The following ITFG1 variants were observed in gnomAD, a reference collection of about 807,000 sequenced individuals.
ITFG1 encodes T-cell immunomodulatory protein.
In ITFG1, 34 loss-of-function variants were observed where a neutral mutation model predicts 81.8. The observed-to-expected ratio is 0.42, with a 90% CI of 0.32 to 0.55. ITFG1 has a LOEUF of 0.55. Among genes scored for constraint, ITFG1 ranks in the 20% least tolerant of loss-of-function variants. The pLI, the probability that ITFG1 is intolerant of heterozygous loss-of-function variation, is 0.17. For missense variants in ITFG1, 672 were observed against 755.4 expected (o/e 0.89, Z 1.29); for synonymous variants, 285 against 270.6 (o/e 1.05, Z -0.52).
intron 14 of ITFG1, among the ~76,000 whole-genome samples, chr16:47,211,718 G>T (rs1364560726): frequency 6.6e-6 from 1 of 152,070 alleles, no homozygotes; most frequent in Non-Finnish European, 1.5e-5. Context: ...TTTTTATCAT[G>T]AATAGTTTAA....
At chr16:47,407,629 G>T (rs1401473293) in intron 6 of ITFG1, among the ~76,000 whole-genome samples, 1 of 152,184 alleles carries the variant, frequency 6.6e-6, no homozygotes, top group Non-Finnish European at 1.5e-5. Flanking sequence ...TTACAGAAGT[G>T]AGCCACTGCG....
intron 10 of ITFG1, among the ~76,000 whole-genome samples, chr16:47,306,817 G>A (rs960916992): frequency 3.3e-5 from 5 of 151,548 alleles, no homozygotes; most frequent in Admixed American, 6.6e-5. Context: ...GAAAGAGGCC[G>A]GGCGCGGTGG....
intron 10 of ITFG1, among the ~76,000 whole-genome samples, chr16:47,287,736 G>C (rs1316178173): frequency 6.6e-6 from 1 of 152,114 alleles, no homozygotes; most frequent in African/African-American, 2.4e-5. Flanking sequence ...CCTAGTGAGT[G>C]TGAAGTGGTA....
chr16:47,155,459 AGTAC>A lies in ITFG1; in HGVS notation c.*256_*259del. The A allele has an allele frequency of 3.8e-6, 1 of 264,114 alleles. No individual in the cohort carries two copies. The highest frequency in any genetic ancestry group is 7.0e-6 in the Non-Finnish European group (1 of 141,932). The allele number at this position is 264,114 out of a possible 1,614,324, so 16.4% of individuals were successfully genotyped here. A position where few individuals can be genotyped will look rare whatever the true frequency, so the allele number is the denominator to read the frequency against. On this transcript the variant is annotated 3_prime_UTR_variant, in exon 18 of 18. Transcript: ENST00000320640. ...AAGATTATAAATACACAAACACTGG[AGTAC>A]ATGCAACACATTCCACAAAGGAACA...
At chr16:47,400,729 GA>G (rs1968650850) in intron 6 of ITFG1, among the ~76,000 whole-genome samples, 1 of 151,978 alleles carries the variant, frequency 6.6e-6, no homozygotes, top group African/African-American at 2.4e-5. Context: ...AGAGGTAGGG[GA>G]AGCAAAGAGG....
intron 6 of ITFG1, among the ~76,000 whole-genome samples, chr16:47,416,162 A>G (rs1262537053): frequency 6.6e-6 from 1 of 151,902 alleles, no homozygotes; most frequent in Non-Finnish European, 1.5e-5. Flanking sequence ...ATATGCAGAA[A>G]CTCTTCATGA....
intron 14 of ITFG1, among the ~76,000 whole-genome samples, chr16:47,186,154 G>A (rs1294070030): frequency 6.6e-6 from 1 of 152,116 alleles, no homozygotes; most frequent in South Asian, 2.1e-4. Context: ...GGACCAGATG[G>A]ATTCACAGCC....
intron 10 of ITFG1, among the ~76,000 whole-genome samples, chr16:47,263,703 G>C (rs2151543388): frequency 6.6e-6 from 1 of 151,986 alleles, no homozygotes; most frequent in Non-Finnish European, 1.5e-5. Flanking sequence ...TGGATGTTAA[G>C]GTACTCTACT....
chr16:47,379,210 G>A (rs1285133912), intron 6 of ITFG1, among the ~76,000 whole-genome samples: 3 of 152,144 alleles, frequency 2.0e-5, no homozygotes, highest in African/African-American at 4.8e-5. Flanking sequence ...CTCCCCAGGG[G>A]TCCCCTTGAG....
At chr16:47,314,054 A>G (rs1042547790) in intron 8 of ITFG1, among the ~76,000 whole-genome samples, 1 of 152,140 alleles carries the variant, frequency 6.6e-6, no homozygotes, top group African/African-American at 2.4e-5. Flanking sequence ...GTGGTTAAGC[A>G]TTTCTATAGG....
chr16:47,205,436 A>G (rs571766979), intron 14 of ITFG1, among the ~76,000 whole-genome samples: 2 of 152,312 alleles, frequency 1.3e-5, no homozygotes, highest in Admixed American at 1.3e-4. Context: ...TTCTTAGTGC[A>G]CTCAATGCAA....
chr16:47,383,023 A>G (rs539894503), intron 6 of ITFG1, among the ~76,000 whole-genome samples: 1 of 152,376 alleles, frequency 6.6e-6, no homozygotes, highest in East Asian at 1.9e-4. Context: ...GTGAAGTCAC[A>G]TATTTCCTCT....
chr16:47,400,638 G>T (rs1250621333), intron 6 of ITFG1, among the ~76,000 whole-genome samples: 1 of 152,062 alleles, frequency 6.6e-6, no homozygotes, highest in Non-Finnish European at 1.5e-5. Flanking sequence ...TATTCTGGGG[G>T]CTTCCCAGAA....
Position 47,311,484 on chromosome 16 carries a change from G to A in ITFG1, c.898-72C>T, listed in dbSNP as rs968753473. The A allele has an allele frequency of 4.0e-5, 47 of 1,161,808 alleles. No homozygotes were observed. The South Asian group carries it at 5.4e-4, about 13-fold the overall frequency. The allele number at this position is 1,161,808 out of a possible 1,614,324, so 72.0% of individuals were successfully genotyped here. On this transcript the variant is annotated intron_variant, in intron 9 of 17. Transcript: ENST00000320640. ...AAAATTTATAATTTGCAAAACAAAC[G>A]ATCCATTAAGTTTTCAAGATAAGCA...
At chr16:47,267,924 A>G (rs1966295832) in intron 10 of ITFG1, among the ~76,000 whole-genome samples, 1 of 152,110 alleles carries the variant, frequency 6.6e-6, no homozygotes, top group South Asian at 2.1e-4. Context: ...TTAAACACCT[A>G]TAGTAGAAAA....
intron 10 of ITFG1, among the ~76,000 whole-genome samples, chr16:47,291,208 A>AT (rs769236305): frequency 6.6e-6 from 1 of 151,682 alleles, no homozygotes; most frequent in Non-Finnish European, 1.5e-5. Flanking sequence ...TAAAACAATT[A>AT]TTTTTTCTTT....
intron 13 of ITFG1, among the ~76,000 whole-genome samples, chr16:47,226,135 T>C (rs1965754314): frequency 6.6e-6 from 1 of 152,224 alleles, no homozygotes; most frequent in African/African-American, 2.4e-5. Flanking sequence ...AAAATTAAGC[T>C]GGATTAATAT....
chr16:47,168,845 A>G (rs572669529), intron 14 of ITFG1, among the ~76,000 whole-genome samples: 23 of 152,248 alleles, frequency 1.5e-4, no homozygotes, highest in African/African-American at 5.1e-4. Context: ...GAATTTTGCA[A>G]TCTTACCCCT....
chr16:47,182,927 G>T lies in ITFG1; in HGVS notation c.1454-20263C>A, dbSNP rs571066434. On this transcript the variant is annotated intron_variant, in intron 14 of 17. Coordinates refer to ENST00000320640, the MANE Select transcript of ITFG1 (RefSeq NM_030790.5). Reference sequence around the variant, plus strand: ...GTGGGTGCGCACACCGTGCGCGAGCGGAAGCAGGGCGAGCCATTGCCTCAC... The same window carrying T: ...GTGGGTGCGCACACCGTGCGCGAGCTGAAGCAGGGCGAGCCATTGCCTCAC... 3.3e-5 allele frequency among the ~76,000 whole-genome samples: 5 copies of T among 152,298 alleles called. No individual in the cohort carries two copies. The East Asian group carries it at 9.7e-4, about 29-fold the overall frequency.
Sources: allele counts gnomAD v4.1 joint callset (sites outside exome capture counted in the v4.1 genomes callset), GRCh38; gene constraint gnomAD v4.1.1; transcripts MANE v1.5; gene names NCBI Gene and HGNC (gene_info 2026-07-23, HGNC 2026-07-21).